CCDC191: variants seen among roughly 807,000 people sequenced by gnomAD.
CCDC191 encodes the protein coiled-coil domain containing 191.
A neutral mutation model predicts 114.0 loss-of-function variants in CCDC191; 99 were observed. That is an observed-to-expected ratio of 0.87 (90% confidence interval 0.74 to 1.03). The LOEUF is 1.03. CCDC191 is among the 50% of genes least tolerant of loss of function. CCDC191 has a pLI of 0.00. For synonymous variants in CCDC191, 351 were observed against 376.0 expected (o/e 0.93, Z 0.77); for missense variants, 973 against 1,087.0 (o/e 0.90, Z 1.47).
At chr3:114,014,639 C>G (rs2076128963) in intron 8 of CCDC191, among the ~76,000 whole-genome samples, 1 of 152,070 alleles carries the variant, frequency 6.6e-6, no homozygotes, top group Non-Finnish European at 1.5e-5. Flanking sequence ...TAAAAAATGC[C>G]CTTTTCTACT....
intron 11 of CCDC191, chr3:114,003,499 A>T (rs2075892241): frequency 2.0e-6 from 2 of 985,346 alleles, no homozygotes; most frequent in African/African-American, 3.5e-5. Flanking sequence ...TTAAAGTAAG[A>T]GACCCCTAAG....
intron 2 of CCDC191, among the ~76,000 whole-genome samples, chr3:114,048,116 T>C (rs1224401255): frequency 6.6e-6 from 1 of 152,166 alleles, no homozygotes; most frequent in Admixed American, 6.5e-5. Flanking sequence ...AACTTTGGCG[T>C]CCTTAATCCA....
intron 8 of CCDC191, among the ~76,000 whole-genome samples, chr3:114,014,329 C>T (rs2076122599): frequency 6.6e-6 from 1 of 152,158 alleles, no homozygotes; most frequent in Admixed American, 6.5e-5. Flanking sequence ...TTGTCCTCTG[C>T]CTGTGTGACA....
chr3:113,971,448 G>T (rs1940814386), intron 16 of CCDC191, among the ~76,000 whole-genome samples: 1 of 152,158 alleles, frequency 6.6e-6, no homozygotes, highest in African/African-American at 2.4e-5. Flanking sequence ...TATGGCTTTT[G>T]TTCTTGGTTC....
chr3:114,002,391 AT>A, intron 12 of CCDC191, 64 bp downstream of exon 12: 1 of 1,234,022 alleles, frequency 8.1e-7, no homozygotes, highest in South Asian at 1.4e-5. Flanking sequence ...GCAAGGTTTC[AT>A]TTTTTAAGAA....
chr3:114,056,342 A>G (rs774412283), intron 1 of CCDC191, 35 bp downstream of exon 1: 1 of 1,605,020 alleles, frequency 6.2e-7, no homozygotes, highest in Non-Finnish European at 8.5e-7. Context: ...GCCTTGGGAA[A>G]GTCCCCGCCC....
Position 114,014,540 on chromosome 3 carries a change from C to T in CCDC191, c.1164-3519G>A, listed in dbSNP as rs531643479. Among the ~76,000 whole-genome samples, 10 of 152,338 alleles carry T rather than the reference C, an allele frequency of 6.6e-5. No homozygotes were observed. The South Asian group carries it at 1.9e-3, about 28-fold the overall frequency. On this transcript the variant is annotated intron_variant, in intron 8 of 16. Coordinates refer to ENST00000295878, the MANE Select transcript of CCDC191 (RefSeq NM_020817.2). The stretch of plus-strand genomic sequence containing the variant: ...TTTTCAATTCAGCCTCACTTCTCCT[C>T]CCCACCTCCAGGTGAGCCTGGCGGG...
chr3:113,972,397 C>T (rs1320995272), intron 16 of CCDC191, among the ~76,000 whole-genome samples: 1 of 152,062 alleles, frequency 6.6e-6, no homozygotes, highest in Non-Finnish European at 1.5e-5. Flanking sequence ...TGAAGTTCCT[C>T]TTACTGATTC....
chr3:113,995,125 A>T (rs1010849080), intron 13 of CCDC191, among the ~76,000 whole-genome samples: 1 of 152,148 alleles, frequency 6.6e-6, no homozygotes, highest in African/African-American at 2.4e-5. Flanking sequence ...CACTGTTATG[A>T]CTTCTGAAAA....
chr3:113,995,424 T>C (rs997437066), intron 13 of CCDC191, among the ~76,000 whole-genome samples: 4 of 152,170 alleles, frequency 2.6e-5, no homozygotes, highest in African/African-American at 9.7e-5. Flanking sequence ...AGAGTGAACT[T>C]TAAAGTAGAA....
chr3:114,035,596 A>G (rs1265348999), intron 5 of CCDC191, among the ~76,000 whole-genome samples: 1 of 152,176 alleles, frequency 6.6e-6, no homozygotes, highest in Non-Finnish European at 1.5e-5. Flanking sequence ...GGAACACCAC[A>G]ACCCTTTATT....
Position 113,972,267 on chromosome 3 carries a change from T to C in CCDC191, c.2606+5919A>G, listed in dbSNP as rs545725267. On this transcript the variant is annotated intron_variant, in intron 16 of 16. Transcript: ENST00000295878. ...TTTTACTATAACCTATAGATTTTGA[T>C]CTATGATATTTCCATTTTCATTGGT... Among the ~76,000 whole-genome samples, 5 of 152,262 alleles carry C rather than the reference T, an allele frequency of 3.3e-5. No homozygotes were observed. The East Asian group carries it at 7.7e-4, about 23-fold the overall frequency.
intron 14 of CCDC191, among the ~76,000 whole-genome samples, chr3:113,979,352 G>A (rs552259502): frequency 6.6e-6 from 1 of 152,266 alleles, no homozygotes; most frequent in East Asian, 1.9e-4. Flanking sequence ...CTGGAGCTTG[G>A]ACAGCAACTC....
At chr3:114,054,370 T>C (rs191369335) in intron 1 of CCDC191, among the ~76,000 whole-genome samples, 2 of 152,192 alleles carry the variant, frequency 1.3e-5, no homozygotes, top group East Asian at 1.9e-4. Flanking sequence ...CAGTGGCTCA[T>C]GCCTGTAATC....
chr3:114,013,231 G>C (rs1326969881), intron 8 of CCDC191, among the ~76,000 whole-genome samples: 1 of 151,564 alleles, frequency 6.6e-6, no homozygotes, highest in Non-Finnish European at 1.5e-5. Flanking sequence ...GGGCAACAGA[G>C]TGAGACCCTG....
intron 16 of CCDC191, among the ~76,000 whole-genome samples, chr3:113,966,390 C>A (rs78881740): frequency 1.3e-5 from 2 of 152,228 alleles, no homozygotes; most frequent in South Asian, 4.1e-4. Context: ...GTACCGTCTG[C>A]CCCGGGAGAG....
chr3:113,974,468 C>T (rs1275567443), intron 16 of CCDC191, among the ~76,000 whole-genome samples: 1 of 152,044 alleles, frequency 6.6e-6, no homozygotes, highest in Admixed American at 6.6e-5. Flanking sequence ...TACAGATGCA[C>T]ACCACCATGC....
chr3:114,028,275 A>ATTTTTTTTTTTTT (rs920211150), intron 7 of CCDC191, among the ~76,000 whole-genome samples: 2 of 126,880 alleles, frequency 1.6e-5, no homozygotes, highest in African/African-American at 2.9e-5. Context: ...AATTCTAAAA[A>ATTTTTTTTTTTTT]TTTTTTTTTT....
At chr3:113,965,455 TAATAA>T (rs1399753987) in intron 16 of CCDC191, 96 bp from the exon 17 acceptor site, 8 of 637,060 alleles carry the variant, frequency 1.3e-5, no homozygotes, top group South Asian at 4.9e-5. Context: ...ATTCTTATGT[TAATAA>T]AATGCTGTAT....
Sources: gnomAD v4.1 joint callset for allele counts (sites outside exome capture counted in the v4.1 genomes callset) on GRCh38, gnomAD v4.1.1 for gene constraint, MANE v1.5 for transcripts, NCBI Gene and HGNC (gene_info 2026-07-23, HGNC 2026-07-21) for gene names.